RIMS1: variants seen among roughly 807,000 people sequenced by gnomAD.
RIMS1 encodes the protein regulating synaptic membrane exocytosis 1, also known as regulating synaptic membrane exocytosis protein 1.
Under a neutral mutation model 214.1 loss-of-function variants are expected in RIMS1, and 83 were observed. The observed-to-expected ratio is 0.39, with a 90% CI of 0.32 to 0.47. The LOEUF (loss-of-function observed/expected upper bound fraction) is 0.47. Ranked by LOEUF, RIMS1 falls within the 20% of genes least tolerant of loss-of-function variation. The probability of loss-of-function intolerance (pLI) is 0.99; values close to 1 mark genes in which losing one functional copy is unlikely to be tolerated. For missense variants in RIMS1, 2,050 were observed against 2,161.8 expected (o/e 0.95, Z 1.03); for synonymous variants, 793 against 786.8 (o/e 1.01, Z -0.13).
intron 2 of RIMS1, among the ~76,000 whole-genome samples, chr6:72,007,126 C>T (rs547708055): frequency 6.6e-6 from 1 of 152,306 alleles, no homozygotes; most frequent in East Asian, 1.9e-4. Flanking sequence ...TGAGACAAAA[C>T]TTCCAGAGGA....
At chr6:72,129,741 A>C (rs910933775) in intron 4 of RIMS1, among the ~76,000 whole-genome samples, 8 of 152,110 alleles carry the variant, frequency 5.3e-5, no homozygotes, top group Admixed American at 2.0e-4. Flanking sequence ...TAAAAAAAAA[A>C]CGGACAGTTC....
intron 24 of RIMS1, 41 bp from the exon 25 acceptor site, chr6:72,290,638 A>C (rs1296559538): frequency 1.3e-6 from 2 of 1,572,864 alleles, no homozygotes; most frequent in Non-Finnish European, 1.7e-6. Flanking sequence ...AGTTAATGTG[A>C]ACCTGCTGAC....
intron 29 of RIMS1, among the ~76,000 whole-genome samples, chr6:72,354,828 A>G (rs538440057): frequency 6.6e-6 from 1 of 152,350 alleles, no homozygotes; most frequent in African/African-American, 2.4e-5. Flanking sequence ...AGTCTAGGCC[A>G]AGAAGTAAGT....
intron 31 of RIMS1, among the ~76,000 whole-genome samples, chr6:72,395,892 T>C (rs1311779263): frequency 6.6e-6 from 1 of 151,840 alleles, no homozygotes; most frequent in South Asian, 2.1e-4. Context: ...GTACATATTA[T>C]GTATCAATAA....
chr6:71,977,446 G>A (rs984358944), intron 2 of RIMS1, among the ~76,000 whole-genome samples: 8 of 152,126 alleles, frequency 5.3e-5, no homozygotes, highest in African/African-American at 1.9e-4. Flanking sequence ...CCAGGCCCTG[G>A]ATATTATCAT....
intron 2 of RIMS1, among the ~76,000 whole-genome samples, chr6:72,019,268 GTTTA>G (rs1562127720): frequency 7.7e-6 from 1 of 129,614 alleles, no homozygotes; most frequent in Admixed American, 8.0e-5. Context: ...CAATTTAGAA[GTTTA>G]TTTAGGCATT....
At chr6:71,968,864 T>G in intron 1 of RIMS1, 119 bp from the exon 2 acceptor site, 1 of 1,023,514 alleles carries the variant, frequency 9.8e-7, no homozygotes, top group Non-Finnish European at 1.5e-6. Flanking sequence ...AAGGTTAATG[T>G]TGAAGGGGCT....
chr6:72,067,748 G>A (rs980241820), intron 2 of RIMS1, among the ~76,000 whole-genome samples: 1 of 152,114 alleles, frequency 6.6e-6, no homozygotes, highest in Admixed American at 6.5e-5. Flanking sequence ...AAGAATAAAT[G>A]AATAAAATCA....
intron 28 of RIMS1, 91 bp downstream of exon 28, chr6:72,313,763 T>G (rs1297026175): frequency 1.1e-5 from 14 of 1,308,668 alleles, no homozygotes; most frequent in Admixed American, 5.0e-5. Context: ...TATAATACAG[T>G]TTAGGTCACA....
intron 2 of RIMS1, among the ~76,000 whole-genome samples, chr6:72,049,176 G>A (rs1292748618): frequency 6.6e-6 from 1 of 152,140 alleles, no homozygotes; most frequent in East Asian, 1.9e-4. Flanking sequence ...AGAAACAAAA[G>A]TGTCTGAATC....
At chr6:72,091,902 A>T (rs1313092823) in intron 2 of RIMS1, among the ~76,000 whole-genome samples, 3 of 152,240 alleles carry the variant, frequency 2.0e-5, no homozygotes, top group Non-Finnish European at 4.4e-5. Flanking sequence ...AATAAATTTC[A>T]CAAAAAGGTT....
rs141482226 is a variant in RIMS1, at chr6:72,306,636, C to G, written c.3851-622C>G. 5.9e-5 allele frequency among the ~76,000 whole-genome samples: 9 copies of G among 152,112 alleles called. No individual in the cohort carries two copies. In the South Asian group the frequency reaches 1.7e-3, roughly 28 times the overall value. ...AGTCATGTATTCATTTTCAAACTTA[C>G]GAATTTCATTTATGTGGTCCGGATA... On this transcript the variant is annotated intron_variant, in intron 26 of 33. Coordinates refer to ENST00000521978, the MANE Select transcript of RIMS1 (RefSeq NM_014989.7).
chr6:71,918,015 A>G (rs1009721537), intron 1 of RIMS1, among the ~76,000 whole-genome samples: 1 of 152,132 alleles, frequency 6.6e-6, no homozygotes. Context: ...ATGATTAGCT[A>G]TGCAGTTGGA....
At chr6:72,189,831 G>A (rs978485318) in intron 6 of RIMS1, among the ~76,000 whole-genome samples, 2 of 152,214 alleles carry the variant, frequency 1.3e-5, no homozygotes, top group Admixed American at 6.5e-5. Context: ...TCCACACAAC[G>A]AGTGATCCTA....
intron 2 of RIMS1, among the ~76,000 whole-genome samples, chr6:71,971,567 C>A (rs1291280341): frequency 6.6e-6 from 1 of 152,100 alleles, no homozygotes; most frequent in Non-Finnish European, 1.5e-5. Flanking sequence ...GGTGTATTAG[C>A]CTGTTTTCAT....
At chr6:72,229,330 T>G (rs2061260117) in intron 6 of RIMS1, among the ~76,000 whole-genome samples, 1 of 151,914 alleles carries the variant, frequency 6.6e-6, no homozygotes, top group Non-Finnish European at 1.5e-5. Context: ...CAATCATGAA[T>G]GACAGTAATT....
chr6:71,917,211 A>C (rs1442813657), intron 1 of RIMS1, among the ~76,000 whole-genome samples: 1 of 152,190 alleles, frequency 6.6e-6, no homozygotes, highest in African/African-American at 2.4e-5. Flanking sequence ...AGGGCTATGT[A>C]AACACTGGCT....
chr6:72,100,077 A>G (rs1481904380), intron 4 of RIMS1, 91 bp downstream of exon 4: 10 of 1,009,014 alleles, frequency 9.9e-6, no homozygotes, highest in Admixed American at 8.3e-5. Context: ...GTTAATAACT[A>G]TATTTCACAA....
intron 1 of RIMS1, among the ~76,000 whole-genome samples, chr6:71,926,222 C>T (rs544673535): frequency 2.6e-5 from 4 of 152,278 alleles, no homozygotes; most frequent in African/African-American, 4.8e-5. Context: ...TGAGCCACTG[C>T]GCCCAGCCCT....
Sources: gnomAD v4.1 joint callset for allele counts (sites outside exome capture counted in the v4.1 genomes callset) on GRCh38, gnomAD v4.1.1 for gene constraint, MANE v1.5 for transcripts, NCBI Gene and HGNC (gene_info 2026-07-23, HGNC 2026-07-21) for gene names.